ZFYVE9: variants seen among roughly 807,000 people sequenced by gnomAD.
ZFYVE9 encodes zinc finger FYVE-type containing 9.
Under a neutral mutation model 126.7 loss-of-function variants are expected in ZFYVE9, and 43 were observed. The ratio of observed to expected loss-of-function variants is 0.34; its 90% CI spans 0.27 to 0.44. ZFYVE9 has a LOEUF of 0.44. ZFYVE9 is among the 20% of genes least tolerant of loss of function. The pLI is 1.00. For synonymous variants in ZFYVE9, 521 were observed against 597.4 expected (o/e 0.87, Z 1.87); for missense variants, 1,476 against 1,697.0 (o/e 0.87, Z 2.29).
chr1:52,278,642 A>G (rs1256428015), intron 9 of ZFYVE9, 28 bp downstream of exon 9: 1 of 1,443,974 alleles, frequency 6.9e-7, no homozygotes, highest in African/African-American at 1.4e-5. Context: ...AAAAATTAAA[A>G]TCAGATGTTT....
intron 2 of ZFYVE9, among the ~76,000 whole-genome samples, chr1:52,225,297 G>C (rs1245295275): frequency 3.3e-5 from 5 of 152,192 alleles, no homozygotes; most frequent in Non-Finnish European, 7.4e-5. Context: ...GAGGCAGTGG[G>C]ATGCGTCTCC....
At chr1:52,156,858 G>A (rs1221697742) in intron 1 of ZFYVE9, among the ~76,000 whole-genome samples, 15 of 146,248 alleles carry the variant, frequency 1.0e-4, no homozygotes, top group East Asian at 4.1e-4. Flanking sequence ...TTTTTGAGAC[G>A]GAGTCTCGCT....
intron 4 of ZFYVE9, among the ~76,000 whole-genome samples, chr1:52,255,964 T>TTTTCTTTTCTTTTCTTTTCTTTTCTTTTC (rs1553129446): frequency 4.4e-5 from 3 of 68,572 alleles, no homozygotes; most frequent in Non-Finnish European, 5.3e-5. Context: ...TTTTCTTTTC[T>TTTTCTTTTCTTTTCTTTTCTTTTCTTTTC]TTTCTTTCTT....
chr1:52,236,707 C>T (rs147777189), intron 3 of ZFYVE9, among the ~76,000 whole-genome samples: 5 of 152,166 alleles, frequency 3.3e-5, no homozygotes, highest in Admixed American at 6.5e-5. Context: ...TGCCCAGTGT[C>T]CTCAGATAAT....
chr1:52,143,348 A>G (rs1032918643), intron 1 of ZFYVE9, among the ~76,000 whole-genome samples: 10 of 152,214 alleles, frequency 6.6e-5, no homozygotes, highest in Non-Finnish European at 1.0e-4. Flanking sequence ...TACTGATTAC[A>G]GTTTGATACC....
At chr1:52,174,996 C>A (rs986827963) in intron 1 of ZFYVE9, among the ~76,000 whole-genome samples, 18 of 152,228 alleles carry the variant, frequency 1.2e-4, no homozygotes, top group African/African-American at 4.3e-4. Context: ...AGCGTTTAGT[C>A]CATTTACATT....
At chr1:52,314,661 T>C (rs934084733) in intron 13 of ZFYVE9, among the ~76,000 whole-genome samples, 2 of 151,820 alleles carry the variant, frequency 1.3e-5, no homozygotes, top group African/African-American at 2.4e-5. Flanking sequence ...CTACTAAAAA[T>C]AGAAAAAAAT....
At chr1:52,269,568 G>A (rs986383277) in intron 7 of ZFYVE9, among the ~76,000 whole-genome samples, 10 of 152,132 alleles carry the variant, frequency 6.6e-5, no homozygotes, top group African/African-American at 2.4e-4. Context: ...GAAATTGCAT[G>A]TTGTTAAGAT....
intron 1 of ZFYVE9, among the ~76,000 whole-genome samples, chr1:52,170,767 C>G (rs1284845681): frequency 1.3e-5 from 2 of 152,112 alleles, no homozygotes; most frequent in Non-Finnish European, 2.9e-5. Context: ...TGTATAGTTT[C>G]CAAAATTCCT....
At chr1:52,173,796 G>A (rs1444350618) in intron 1 of ZFYVE9, among the ~76,000 whole-genome samples, 5 of 152,176 alleles carry the variant, frequency 3.3e-5, no homozygotes, top group Non-Finnish European at 7.3e-5. Context: ...GTGTAGAGGT[G>A]TTTATAGTAT....
In ZFYVE9 at chr1:52,157,394, C is replaced by CTTTTTTTTTTTT; in HGVS notation, c.-143+15004_-143+15015dup. On this transcript the variant is annotated intron_variant, in intron 1 of 18. Coordinates refer to ENST00000287727, the MANE Select transcript of ZFYVE9 (RefSeq NM_004799.4). The stretch of plus-strand genomic sequence containing the variant: ...TTTTTTCCTTATGGCACCATATTCT[C>CTTTTTTTTTTTT]TTTTTTTTTTTTTTTTTTTTTTTTG... Among the ~76,000 whole-genome samples, 46 of 58,462 alleles carry CTTTTTTTTTTTT rather than the reference C, an allele frequency of 7.9e-4. 4 individuals are homozygous for CTTTTTTTTTTTT. The highest frequency in any genetic ancestry group is 2.3e-3 in the Admixed American group (7 of 3,024). The allele number at this position is 58,462 out of a possible 152,430, so 38.4% of individuals were successfully genotyped here. A position where few individuals can be genotyped will look rare whatever the true frequency, so the allele number is the denominator to read the frequency against.
At chr1:52,319,419 G>GT (rs1270191202) in intron 13 of ZFYVE9, among the ~76,000 whole-genome samples, 1 of 152,104 alleles carries the variant, frequency 6.6e-6, no homozygotes, top group Non-Finnish European at 1.5e-5. Context: ...GAGGTCAGGA[G>GT]TTTGAGACCA....
chr1:52,330,647 G>A (rs1407726198), intron 13 of ZFYVE9, among the ~76,000 whole-genome samples: 1 of 152,170 alleles, frequency 6.6e-6, no homozygotes, highest in East Asian at 1.9e-4. Context: ...AGGACCTCCA[G>A]TGGTCACTTT....
chr1:52,243,596 C>G (rs1645356101), intron 4 of ZFYVE9, among the ~76,000 whole-genome samples: 1 of 152,030 alleles, frequency 6.6e-6, no homozygotes, highest in African/African-American at 2.4e-5. Flanking sequence ...TGAAGGAACT[C>G]CAGTATAGTG....
At chr1:52,251,885 G>C (rs1393561181) in intron 4 of ZFYVE9, among the ~76,000 whole-genome samples, 1 of 151,770 alleles carries the variant, frequency 6.6e-6, no homozygotes, top group South Asian at 2.1e-4. Flanking sequence ...GGTTTATTCA[G>C]ATTTTCTGTT....
chr1:52,256,535 G>A (rs925468133), intron 4 of ZFYVE9, among the ~76,000 whole-genome samples: 1 of 152,056 alleles, frequency 6.6e-6, no homozygotes, highest in Non-Finnish European at 1.5e-5. Flanking sequence ...GTGCCACCAC[G>A]CTCAGCAGAT....
chr1:52,336,387 T>TTTC (rs71041895), intron 15 of ZFYVE9, among the ~76,000 whole-genome samples: 1 of 145,388 alleles, frequency 6.9e-6, no homozygotes, highest in Non-Finnish European at 1.5e-5. Flanking sequence ...TTTTTTTTTT[T>TTTC]AAGATGGAGG....
rs1417093048 is a variant in ZFYVE9 at position 52,185,210 on chromosome 1, A to AAT, written c.-142-31157_-142-31156dup. On this transcript the variant is annotated intron_variant, in intron 1 of 18. Coordinates refer to ENST00000287727, the MANE Select transcript of ZFYVE9 (RefSeq NM_004799.4). ...TCAGCTTTTTCATTGAAGAGGGAGT[A>AAT]ATAATTATACCTTACAGAGTGCTTT... is the stretch of plus-strand genomic sequence containing the variant. Among the ~76,000 whole-genome samples the AAT allele has an allele frequency of 5.9e-5, 9 of 152,288 alleles. No homozygotes were observed. In the South Asian group the frequency reaches 1.9e-3, roughly 32 times the overall value.
intron 1 of ZFYVE9, among the ~76,000 whole-genome samples, chr1:52,175,966 T>C (rs1644623569): frequency 6.6e-6 from 1 of 152,232 alleles, no homozygotes; most frequent in Non-Finnish European, 1.5e-5. Flanking sequence ...TTGGAGTAGT[T>C]TGATCGTCTG....
Sources: gnomAD v4.1 joint callset for allele counts (sites outside exome capture counted in the v4.1 genomes callset) on GRCh38, gnomAD v4.1.1 for gene constraint, MANE v1.5 for transcripts, NCBI Gene and HGNC (gene_info 2026-07-23, HGNC 2026-07-21) for gene names.